Variants in MGMT observed in about 807,000 individuals in gnomAD.
The protein encoded by MGMT is methylated-DNA--protein-cysteine methyltransferase.
A neutral mutation model predicts 15.9 loss-of-function variants in MGMT; 14 were observed. That is an observed-to-expected ratio of 0.88 (90% CI 0.58 to 1.37). The LOEUF (loss-of-function observed/expected upper bound fraction) is 1.37. MGMT is among the 40% of genes most tolerant of loss of function. The pLI is 0.00. For missense variants in MGMT, 282 were observed against 268.1 expected (o/e 1.05, Z -0.36); for synonymous variants, 130 against 118.2 (o/e 1.10, Z -0.65).
rs192082594 is a variant in MGMT at position 129,629,829 on chromosome 10, C to T, written c.126-78066C>T. ...GGCAAGCTGGGTGGAGGTGTGTTTC[C>T]TGGACTTTTCCGGAATAACCCAACC... On this transcript the variant is annotated intron_variant, in intron 2 of 4. Coordinates refer to ENST00000651593, the MANE Select transcript of MGMT (RefSeq NM_002412.5). 2.3e-3 allele frequency among the ~76,000 whole-genome samples: 357 copies of T among 152,294 alleles called. 2 individuals are homozygous for T. Among genetic ancestry groups the T allele is most frequent in the African/African-American group, 8.3e-3 (343 of 41,548 alleles).
At chr10:129,588,384 AT>A (rs1471080032) in intron 2 of MGMT, among the ~76,000 whole-genome samples, 1 of 152,168 alleles carries the variant, frequency 6.6e-6, no homozygotes, top group East Asian at 1.9e-4. Flanking sequence ...ATTTGTGGTG[AT>A]TTGTTATGCA....
At chr10:129,670,758 G>A (rs1376338071) in intron 2 of MGMT, among the ~76,000 whole-genome samples, 2 of 152,184 alleles carry the variant, frequency 1.3e-5, no homozygotes, top group African/African-American at 4.8e-5. Flanking sequence ...AAAATGGACA[G>A]AATCATTGAA....
At chr10:129,626,078 G>A (rs1004035641) in intron 2 of MGMT, among the ~76,000 whole-genome samples, 8 of 152,128 alleles carry the variant, frequency 5.3e-5, no homozygotes, top group African/African-American at 1.4e-4. Context: ...GCAGAGTGGC[G>A]ATTTGTACTG....
At chr10:129,637,277 A>G (rs977089272) in intron 2 of MGMT, among the ~76,000 whole-genome samples, 7 of 152,172 alleles carry the variant, frequency 4.6e-5, no homozygotes, top group Admixed American at 4.6e-4. Flanking sequence ...GTAAGTGCAG[A>G]TGGGCCCACC....
intron 2 of MGMT, among the ~76,000 whole-genome samples, chr10:129,553,882 C>T (rs560172828): frequency 2.0e-5 from 3 of 152,298 alleles, no homozygotes; most frequent in Admixed American, 2.0e-4. Flanking sequence ...CCTCACTGAG[C>T]GGGTATGTGT....
intron 2 of MGMT, among the ~76,000 whole-genome samples, chr10:129,578,503 A>G: frequency 6.6e-6 from 1 of 151,070 alleles, no homozygotes; most frequent in Non-Finnish European, 1.5e-5. Context: ...TGGACACAGG[A>G]AGGGGAACAT....
intron 2 of MGMT, among the ~76,000 whole-genome samples, chr10:129,620,713 T>A (rs1434668469): frequency 1.3e-5 from 2 of 152,236 alleles, no homozygotes; most frequent in African/African-American, 4.8e-5. Flanking sequence ...TTCTTTATAT[T>A]TATAGTGTGT....
At chr10:129,499,807 T>C (rs191117382) in intron 1 of MGMT, among the ~76,000 whole-genome samples, 1 of 152,346 alleles carries the variant, frequency 6.6e-6, no homozygotes, top group Non-Finnish European at 1.5e-5. Flanking sequence ...ACGAGACTCC[T>C]GCTTCATCAC....
intron 1 of MGMT, 49 bp from the exon 2 acceptor site, chr10:129,536,192 G>C: frequency 1.9e-6 from 3 of 1,595,628 alleles, no homozygotes; most frequent in Middle Eastern, 1.7e-4. Context: ...TTTTATATAC[G>C]ACCAGCCTCT....
intron 2 of MGMT, among the ~76,000 whole-genome samples, chr10:129,548,300 T>C (rs938453400): frequency 1.3e-5 from 2 of 152,234 alleles, no homozygotes; most frequent in Non-Finnish European, 1.5e-5. Flanking sequence ...ACTAAAAATA[T>C]ATGCTCCTGA....
intron 1 of MGMT, among the ~76,000 whole-genome samples, chr10:129,471,978 G>T (rs1456429333): frequency 1.3e-5 from 2 of 152,202 alleles, no homozygotes; most frequent in East Asian, 3.8e-4. Flanking sequence ...CAGTTTTGTG[G>T]TTATGACAAG....
intron 1 of MGMT, 34 bp from the exon 2 acceptor site, chr10:129,536,207 T>C: frequency 6.2e-7 from 1 of 1,612,476 alleles, no homozygotes; most frequent in Non-Finnish European, 8.5e-7. Flanking sequence ...GCCTCTTACC[T>C]ATACACTTTG....
At chr10:129,572,242 T>C (rs1334109594) in intron 2 of MGMT, among the ~76,000 whole-genome samples, 1 of 152,224 alleles carries the variant, frequency 6.6e-6, no homozygotes, top group African/African-American at 2.4e-5. Flanking sequence ...AATTCTAAGG[T>C]GAATATACAA....
chr10:129,770,250 C>T lies in MGMT; in HGVS notation c.*3253C>T, dbSNP rs1231477049. On this transcript the variant is annotated 3_prime_UTR_variant, in exon 5 of 5. Transcript: ENST00000651593. ...GTATTATCCTGGAACTTGTTTCCTA[C>T]AGAACTGTAAGATAAGGATAAAATC... Among the ~76,000 whole-genome samples, 2 of 152,190 alleles carry T rather than the reference C, an allele frequency of 1.3e-5. No individual in the cohort carries two copies. Among genetic ancestry groups the T allele is most frequent in the South Asian group, 2.1e-4 (1 of 4,830 alleles).
intron 2 of MGMT, among the ~76,000 whole-genome samples, chr10:129,672,355 C>T (rs1245364408): frequency 6.6e-6 from 1 of 152,198 alleles, no homozygotes; most frequent in African/African-American, 2.4e-5. Flanking sequence ...TTTGAGATCA[C>T]AGGGATTCCT....
intron 1 of MGMT, among the ~76,000 whole-genome samples, chr10:129,519,154 A>C (rs537575486): frequency 1.3e-5 from 2 of 152,314 alleles, no homozygotes; most frequent in South Asian, 4.1e-4. Context: ...CTTCGAGGGG[A>C]AAGGCCTGTC....
At chr10:129,709,051 A>T (rs762307002) in intron 3 of MGMT, among the ~76,000 whole-genome samples, 6 of 152,258 alleles carry the variant, frequency 3.9e-5, no homozygotes, top group Non-Finnish European at 8.8e-5. Flanking sequence ...CGTTTTGTGC[A>T]TAATGAACTG....
intron 3 of MGMT, among the ~76,000 whole-genome samples, chr10:129,731,217 G>T (rs1295202529): frequency 3.0e-5 from 1 of 33,480 alleles, no homozygotes; most frequent in African/African-American, 1.9e-4. Flanking sequence ...GCCCGGTCGG[G>T]CTCAGAGTGG....
At chr10:129,671,283 A>T (rs956513581) in intron 2 of MGMT, among the ~76,000 whole-genome samples, 1 of 152,206 alleles carries the variant, frequency 6.6e-6, no homozygotes, top group East Asian at 1.9e-4. Context: ...GATACTCCAC[A>T]TTTAGTGCTG....
Sources: allele counts gnomAD v4.1 joint callset (sites outside exome capture counted in the v4.1 genomes callset), GRCh38; gene constraint gnomAD v4.1.1; transcripts MANE v1.5; gene names NCBI Gene and HGNC (gene_info 2026-07-23, HGNC 2026-07-21).